NIPAL3: variants seen among roughly 807,000 people sequenced by gnomAD.
NIPAL3 encodes the protein NIPA like domain containing 3, also known as NIPA-like protein 3.
A neutral mutation model predicts 47.2 loss-of-function variants in NIPAL3; 41 were observed. The ratio of observed to expected loss-of-function variants is 0.87; its 90% CI spans 0.68 to 1.13. NIPAL3 has a LOEUF of 1.13. Among genes scored for constraint, NIPAL3 ranks in the 50% most tolerant of loss-of-function variants. The pLI, the probability that NIPAL3 is intolerant of heterozygous loss-of-function variation, is 0.00. For synonymous variants in NIPAL3, 194 were observed against 209.6 expected, an observed-to-expected ratio of 0.93 and a Z score of 0.64; for missense variants, 449 against 530.1, an observed-to-expected ratio of 0.85 and a Z score of 1.50.
chr1:24,454,998 C>T lies in NIPAL3; in HGVS notation c.638-1140C>T, dbSNP rs1168630622. On this transcript the variant is annotated intron_variant, in intron 7 of 11. Coordinates refer to ENST00000374399, the MANE Select transcript of NIPAL3 (RefSeq NM_020448.5). The surrounding 1 kb of genome is among the most constrained non-coding windows in gnomAD (Gnocchi z 4.1). ...GCCAGAAGGTTCTGAGGCCATTGGC[C>T]AATCCCCTTCTGACTAAGAAGGACT... Among the ~76,000 whole-genome samples, 3 of 152,228 alleles carry T rather than the reference C, an allele frequency of 2.0e-5. No homozygotes were observed. The highest frequency in any genetic ancestry group is 7.2e-5 in the African/African-American group (3 of 41,454).
chr1:24,416,227 T>C lies in NIPAL3; in HGVS notation c.-258+323T>C. ...TCCTGGCGGCAGCAGATGGTGGAGTTAGCAGGTGGGATGAGGGGAGGCGTT... is the reference window on the plus strand; with the variant it reads ...TCCTGGCGGCAGCAGATGGTGGAGTCAGCAGGTGGGATGAGGGGAGGCGTT... On this transcript the variant is annotated intron_variant, in intron 1 of 11. Transcript: ENST00000374399. The surrounding 1 kb of genome is among the most constrained non-coding windows in gnomAD (Gnocchi z 4.8). The C allele has an allele frequency of 1.0e-6, 1 of 985,512 alleles. No individual in the cohort carries two copies. Among genetic ancestry groups the C allele is most frequent in the Non-Finnish European group, 1.2e-6 (1 of 830,048 alleles). 61.0% of individuals were successfully genotyped at this position (985,512 alleles called of 1,614,324 possible).
chr1:24,438,169 G>A (rs1645209724), intron 2 of NIPAL3, among the ~76,000 whole-genome samples: 1 of 152,290 alleles, frequency 6.6e-6, no homozygotes, highest in South Asian at 2.1e-4. Context: ...GGTCTCCAGC[G>A]AGCCTTTTAG....
intron 2 of NIPAL3, among the ~76,000 whole-genome samples, chr1:24,423,559 G>C (rs1398494099): frequency 6.6e-6 from 1 of 152,132 alleles, no homozygotes; most frequent in Admixed American, 6.5e-5. Context: ...GAACCCGGGA[G>C]GCAGAGCTTG....
chr1:24,441,929 A>G, intron 3 of NIPAL3, 126 bp from the exon 4 acceptor site: 1 of 862,500 alleles, frequency 1.2e-6, no homozygotes. Flanking sequence ...CTGAGTCAGG[A>G]CTCCACAAGA....
chr1:24,437,802 T>G lies in NIPAL3; in HGVS notation c.94-2370T>G, dbSNP rs79403581. 4.7e-3 allele frequency among the ~76,000 whole-genome samples: 719 copies of G among 152,230 alleles called. 4 individuals carry two copies. Among genetic ancestry groups the G allele is most frequent in the African/African-American group, 0.017 (693 of 41,534 alleles). ...TCTAGGGAGGATGGAGCACTGGGAATGACAGTTCCAATAAGACCGTGTCCA... is the reference window on the plus strand; with the variant it reads ...TCTAGGGAGGATGGAGCACTGGGAAGGACAGTTCCAATAAGACCGTGTCCA... On this transcript the variant is annotated intron_variant, in intron 2 of 11. Transcript: ENST00000374399.
Position 24,419,486 on chromosome 1 carries a change from C to A in NIPAL3, c.-62C>A. 6.7e-7 allele frequency: 1 copy of A among 1,496,346 alleles called. No individual in the cohort carries two copies. The highest frequency in any genetic ancestry group is 1.3e-5 in the South Asian group (1 of 76,882). The allele number at this position is 1,496,346 out of a possible 1,614,324, so 92.7% of individuals were successfully genotyped here. A position where few individuals can be genotyped will look rare whatever the true frequency, so the allele number is the denominator to read the frequency against. On this transcript the variant is annotated 5_prime_UTR_variant, in exon 2 of 12. Transcript: ENST00000374399. ...AAGGAGAGATGGCATCTGGCCTGGG[C>A]CCCGCCTAGCAGCAGCTCCACCTCC... is the stretch of plus-strand genomic sequence containing the variant.
Position 24,454,256 on chromosome 1 carries a change from A to C in NIPAL3, c.637+752A>C. The stretch of plus-strand genomic sequence containing the variant: ...GAATCCATCCTTCCTGAGGAGAAGC[A>C]GACAGAGGCGGAGGAGCAGGCTGGT... On this transcript the variant is annotated intron_variant, in intron 7 of 11. Coordinates refer to ENST00000374399, the MANE Select transcript of NIPAL3 (RefSeq NM_020448.5). The surrounding 1 kb of genome is among the most constrained non-coding windows in gnomAD (Gnocchi z 4.1). 1.7e-6 allele frequency: 2 copies of C among 1,168,272 alleles called. No individual in the cohort carries two copies. Among genetic ancestry groups the C allele is most frequent in the Non-Finnish European group, 2.1e-6 (2 of 934,108 alleles). The allele number at this position is 1,168,272 out of a possible 1,614,324, so 72.4% of individuals were successfully genotyped here. A position where few individuals can be genotyped will look rare whatever the true frequency, so the allele number is the denominator to read the frequency against.
At chr1:24,445,591 A>G (rs1012522804) in intron 5 of NIPAL3, among the ~76,000 whole-genome samples, 1 of 152,238 alleles carries the variant, frequency 6.6e-6, no homozygotes, top group Non-Finnish European at 1.5e-5. Context: ...ATCAGAAGTC[A>G]TGCCTTACTC....
In NIPAL3 at chr1:24,451,439, T is replaced by C. The variant is rs889610590; in HGVS notation, c.540+1813T>C. ...GGCCACATGTGGTGGCTCACACCTA[T>C]AATCTCAGCACTTTGGGAGGCCGAG... On this transcript the variant is annotated intron_variant, in intron 6 of 11. Coordinates refer to ENST00000374399, the MANE Select transcript of NIPAL3 (RefSeq NM_020448.5). The surrounding 1 kb of genome is among the most constrained non-coding windows in gnomAD (Gnocchi z 4.5). Among the ~76,000 whole-genome samples, 1 of 152,112 alleles carries C rather than the reference T, an allele frequency of 6.6e-6. No homozygotes were observed. The highest frequency in any genetic ancestry group is 1.5e-5 in the Non-Finnish European group (1 of 68,034).
intron 4 of NIPAL3, among the ~76,000 whole-genome samples, chr1:24,443,175 A>G (rs1397769083): frequency 1.1e-4 from 16 of 152,192 alleles, no homozygotes; most frequent in Non-Finnish European, 4.4e-5. Flanking sequence ...ATTTGAACCA[A>G]CTAAAAGACA....
chr1:24,450,365 T>A (rs548217011), intron 6 of NIPAL3, among the ~76,000 whole-genome samples: 3 of 152,264 alleles, frequency 2.0e-5, no homozygotes, highest in African/African-American at 7.2e-5. Context: ...TGTAAACCAT[T>A]TAAGAATGTT....
rs188981994 is a variant in NIPAL3 at position 24,444,341 on chromosome 1, A to G, written c.335-844A>G. 3.3e-5 allele frequency among the ~76,000 whole-genome samples: 5 copies of G among 152,182 alleles called. No homozygotes were observed. In the East Asian group the frequency reaches 9.6e-4, roughly 29 times the overall value. On this transcript the variant is annotated intron_variant, in intron 4 of 11. Coordinates refer to ENST00000374399, the MANE Select transcript of NIPAL3 (RefSeq NM_020448.5). ...AGAGACAAAGGAGAAGAAAAAGAAGAGGAGATGGAGGGATGGAGAAAGGGG... is the reference window on the plus strand; with the variant it reads ...AGAGACAAAGGAGAAGAAAAAGAAGGGGAGATGGAGGGATGGAGAAAGGGG...
At chr1:24,440,969 C>A (rs1220864840) in intron 3 of NIPAL3, among the ~76,000 whole-genome samples, 1 of 152,228 alleles carries the variant, frequency 6.6e-6, no homozygotes, top group African/African-American at 2.4e-5. Context: ...CACCTTTCAT[C>A]TCTGTTCCCT....
chr1:24,441,763 G>A (rs1201664332), intron 3 of NIPAL3, among the ~76,000 whole-genome samples: 1 of 152,150 alleles, frequency 6.6e-6, no homozygotes, highest in Non-Finnish European at 1.5e-5. Flanking sequence ...CCTGTTTTCA[G>A]GCTCATCCAC....
chr1:24,419,848 G>A (rs1570163555), intron 2 of NIPAL3: 5 of 481,658 alleles, frequency 1.0e-5, no homozygotes, highest in South Asian at 6.5e-5. Flanking sequence ...CCAGCACTTT[G>A]GGAGGTGGGC....
chr1:24,450,619 T>C (rs1027594587), intron 6 of NIPAL3, among the ~76,000 whole-genome samples: 5 of 152,168 alleles, frequency 3.3e-5, no homozygotes, highest in Non-Finnish European at 5.9e-5. Context: ...CTCTTAACCC[T>C]GTAAAGTAAA....
intron 11 of NIPAL3, among the ~76,000 whole-genome samples, chr1:24,467,553 T>C (rs1646751052): frequency 6.6e-6 from 1 of 152,220 alleles, no homozygotes. Context: ...TGCCTCTTAC[T>C]AGCTGTGTGA....
At chr1:24,462,382 G>A (rs1646509679) in intron 10 of NIPAL3, among the ~76,000 whole-genome samples, 1 of 152,170 alleles carries the variant, frequency 6.6e-6, no homozygotes, top group African/African-American at 2.4e-5. Context: ...TTCATCATAG[G>A]TCTAAATTGG....
intron 2 of NIPAL3, among the ~76,000 whole-genome samples, chr1:24,439,648 G>A (rs1351850707): frequency 1.3e-5 from 2 of 151,964 alleles, no homozygotes; most frequent in South Asian, 4.1e-4. Flanking sequence ...AATCATTTTA[G>A]AAAGTACAAA....
Sources: allele counts gnomAD v4.1 joint callset (sites outside exome capture counted in the v4.1 genomes callset), GRCh38; gene constraint gnomAD v4.1.1; non-coding constraint Gnocchi (gnomAD v3.1); transcripts MANE v1.5; gene names NCBI Gene and HGNC (gene_info 2026-07-23, HGNC 2026-07-21).